Variants in GAS2 observed in about 807,000 individuals in gnomAD.
The protein encoded by GAS2 is growth arrest-specific protein 2.
A neutral mutation model predicts 37.5 loss-of-function variants in GAS2; 20 were observed. The observed-to-expected ratio is 0.53, with a 90% CI of 0.37 to 0.77. The LOEUF is 0.77. Ranked by LOEUF, GAS2 falls within the 30% of genes least tolerant of loss-of-function variation. The probability of loss-of-function intolerance (pLI) is 0.00; values close to 1 mark genes in which losing one functional copy is unlikely to be tolerated. For synonymous variants in GAS2, 144 were observed against 132.2 expected (o/e 1.09, Z -0.61); for missense variants, 336 against 373.4 (o/e 0.90, Z 0.82).
At chr11:22,752,837 G>C (rs911463487) in intron 6 of GAS2, among the ~76,000 whole-genome samples, 1 of 151,984 alleles carries the variant, frequency 6.6e-6, no homozygotes, top group African/African-American at 2.4e-5. Flanking sequence ...ATACTTAGGG[G>C]AATAGTGGGA....
intron 3 of GAS2, among the ~76,000 whole-genome samples, chr11:22,687,943 A>T (rs1369721257): frequency 6.6e-6 from 1 of 152,190 alleles, no homozygotes; most frequent in Non-Finnish European, 1.5e-5. Context: ...AATCCTCCAG[A>T]GTAGTAAAGA....
intron 1 of GAS2, among the ~76,000 whole-genome samples, chr11:22,660,434 A>T (rs1848903256): frequency 6.6e-6 from 1 of 152,250 alleles, no homozygotes; most frequent in Admixed American, 6.5e-5. Context: ...AACTTGCTAT[A>T]TGCCAAACAG....
chr11:22,703,948 T>C lies in GAS2; in HGVS notation c.267+18159T>C, dbSNP rs185617441. ...GCCTCGCTAGCATTGCTGTTTCATA[T>C]AAGAAATAAAAAATGTGGTAATTTG... is the stretch of plus-strand genomic sequence containing the variant. On this transcript the variant is annotated intron_variant, in intron 3 of 7. Transcript: ENST00000454584. Among the ~76,000 whole-genome samples, 416 of 152,202 alleles carry C rather than the reference T, an allele frequency of 2.7e-3. 1 individual carries two copies. Among genetic ancestry groups the C allele is most frequent in the African/African-American group, 9.7e-3 (404 of 41,526 alleles).
intron 7 of GAS2, among the ~76,000 whole-genome samples, chr11:22,789,390 A>ATG (rs10543615): frequency 2.3e-5 from 2 of 86,540 alleles, no homozygotes; most frequent in African/African-American, 7.8e-5. Context: ...GTACATATAT[A>ATG]TGTGTGTGTG....
intron 3 of GAS2, among the ~76,000 whole-genome samples, chr11:22,715,792 C>G (rs934647650): frequency 2.0e-5 from 3 of 152,020 alleles, no homozygotes; most frequent in Non-Finnish European, 2.9e-5. Context: ...GGTACCAATC[C>G]TGCTGAAACT....
chr11:22,732,296 T>C (rs1852516597), intron 4 of GAS2, among the ~76,000 whole-genome samples: 1 of 151,692 alleles, frequency 6.6e-6, no homozygotes, highest in African/African-American at 2.4e-5. Flanking sequence ...GAGCGCTCTT[T>C]TTTCCAGGAT....
rs1163544055 is a variant in GAS2, at chr11:22,774,165, T to C, written c.723+18212T>C. Among the ~76,000 whole-genome samples the C allele has an allele frequency of 3.9e-5, 6 of 152,104 alleles. 1 individual carries two copies. On this transcript the variant is annotated intron_variant, in intron 7 of 7. Coordinates refer to ENST00000454584, the MANE Select transcript of GAS2 (RefSeq NM_001143830.3). ...CATGCCACCACACCCGGCTAATTTT[T>C]GTATTTTTAGTGGAGATGGGGTTTC...
chr11:22,628,265 T>C (rs1381558233), intron 1 of GAS2, among the ~76,000 whole-genome samples: 2 of 152,214 alleles, frequency 1.3e-5, no homozygotes, highest in African/African-American at 2.4e-5. Context: ...AATTTTGCTA[T>C]GAGAGACTAG....
At chr11:22,646,995 A>G (rs1848703833) in intron 1 of GAS2, among the ~76,000 whole-genome samples, 2 of 151,470 alleles carry the variant, frequency 1.3e-5, no homozygotes, top group Non-Finnish European at 2.9e-5. Flanking sequence ...ATATGTATAC[A>G]TGTGCCATGC....
At chr11:22,713,770 G>T (rs747922596) in intron 3 of GAS2, among the ~76,000 whole-genome samples, 1 of 152,118 alleles carries the variant, frequency 6.6e-6, no homozygotes, top group Non-Finnish European at 1.5e-5. Flanking sequence ...TCATACATGA[G>T]AGATAAAGTC....
chr11:22,787,030 C>T (rs766191462), intron 7 of GAS2, among the ~76,000 whole-genome samples: 1 of 152,128 alleles, frequency 6.6e-6, no homozygotes, highest in Non-Finnish European at 1.5e-5. Context: ...TAATCACTTT[C>T]ATTTCCCCAC....
chr11:22,773,166 G>C (rs1457401715), intron 7 of GAS2, among the ~76,000 whole-genome samples: 1 of 152,082 alleles, frequency 6.6e-6, no homozygotes, highest in Non-Finnish European at 1.5e-5. Context: ...GCAGTCTTCT[G>C]TCTGTGGTCG....
At chr11:22,765,607 G>C (rs1481727548) in intron 7 of GAS2, among the ~76,000 whole-genome samples, 1 of 151,958 alleles carries the variant, frequency 6.6e-6, no homozygotes, top group Non-Finnish European at 1.5e-5. Flanking sequence ...GTGAAACCCT[G>C]TCTCTACTAA....
intron 2 of GAS2, among the ~76,000 whole-genome samples, chr11:22,677,177 C>T (rs4444081): frequency 0.62 from 94,764 of 151,664 alleles, 30,783 homozygotes; most frequent in East Asian, 0.82. Context: ...AAAATGTAAA[C>T]TGAGGTGGGA....
rs950571604 is a variant in GAS2 at position 22,788,676 on chromosome 11, A to T, written c.724-23122A>T. Among the ~76,000 whole-genome samples, 83 of 152,190 alleles carry T rather than the reference A, an allele frequency of 5.5e-4. 1 individual carries two copies. Among genetic ancestry groups the T allele is most frequent in the Admixed American group, 2.2e-3 (33 of 15,288 alleles). On this transcript the variant is annotated intron_variant, in intron 7 of 7. Transcript: ENST00000454584. ...GTGATGCTTCATGAATTGCCAGCAA[A>T]TTCAAGCTATTTAATTACTTATTCC...
chr11:22,728,584 T>A (rs1426005396), intron 4 of GAS2, among the ~76,000 whole-genome samples: 2 of 151,588 alleles, frequency 1.3e-5, no homozygotes, highest in East Asian at 3.9e-4. Flanking sequence ...TTTAAGTCTA[T>A]AAAAATTTAA....
chr11:22,776,307 T>C (rs920884044), intron 7 of GAS2, among the ~76,000 whole-genome samples: 7 of 152,022 alleles, frequency 4.6e-5, no homozygotes, highest in Non-Finnish European at 8.8e-5. Flanking sequence ...GTTTTAGCAA[T>C]GAATTTGCGT....
rs976050647 is a variant in GAS2 at position 22,812,503 on chromosome 11, A to G, written c.*487A>G. On this transcript the variant is annotated 3_prime_UTR_variant, in exon 8 of 8. Transcript: ENST00000454584. ...CAAAAAATATCCAACAGCACTACAC[A>G]TAAGTACAGAGTATTCACAATAGTA... 5 of 157,992 alleles carry G rather than the reference A, an allele frequency of 3.2e-5. No individual in the cohort carries two copies. Among genetic ancestry groups the G allele is most frequent in the South Asian group, 1.9e-4 (1 of 5,268 alleles). 9.8% of individuals were successfully genotyped at this position (157,992 alleles called of 1,614,324 possible). A position where few individuals can be genotyped will look rare whatever the true frequency, so the allele number is the denominator to read the frequency against.
At chr11:22,691,981 T>A (rs2133974835) in intron 3 of GAS2, among the ~76,000 whole-genome samples, 1 of 152,248 alleles carries the variant, frequency 6.6e-6, no homozygotes, top group East Asian at 1.9e-4. Context: ...TTTTTTCCAC[T>A]GAGAGTTTCT....
Sources: gnomAD v4.1 joint callset for allele counts (sites outside exome capture counted in the v4.1 genomes callset) on GRCh38, gnomAD v4.1.1 for gene constraint, MANE v1.5 for transcripts, NCBI Gene and HGNC (gene_info 2026-07-23, HGNC 2026-07-21) for gene names.